The following MFRP variants were observed in gnomAD, a reference collection of about 807,000 sequenced individuals.
The protein encoded by MFRP is C1q and TNF related 5.
MFRP carries 74 observed loss-of-function variants against 65.8 expected under a neutral mutation model. The ratio of observed to expected loss-of-function variants is 1.12; its 90% CI spans 0.93 to 1.36. The LOEUF is 1.36. MFRP is among the 40% of genes most tolerant of loss of function. The pLI, the probability that MFRP is intolerant of heterozygous loss-of-function variation, is 0.00. For synonymous variants in MFRP, 336 were observed against 288.3 expected (o/e 1.17, Z -1.68); for missense variants, 838 against 736.0 (o/e 1.14, Z -1.60).
chr11:119,344,560 A>G (rs1362998094), intron 7 of MFRP, 72 bp downstream of exon 7: 2 of 1,610,970 alleles, frequency 1.2e-6, no homozygotes, highest in East Asian at 2.2e-5. Flanking sequence ...TTGAGGCTGG[A>G]CCAGAGCTGG....
In MFRP at chr11:119,341,333, A is replaced by G. The variant is rs889447505; in HGVS notation, c.*215T>C. ...TTGTCCGGTGGCACAGTGTGGGGCC[A>G]GTCAGCAGCCTGGGACCGGTAAAGG... On this transcript the variant is annotated 3_prime_UTR_variant, in exon 13 of 15. Coordinates refer to ENST00000619721, the MANE Select transcript of MFRP (RefSeq NM_031433.4). 7.4e-5 allele frequency: 44 copies of G among 591,854 alleles called. No homozygotes were observed. The African/African-American group carries it at 7.8e-4, about 11-fold the overall frequency. The allele number at this position is 591,854 out of a possible 1,614,324, so 36.7% of individuals were successfully genotyped here.
In MFRP at chr11:119,339,974, C is replaced by A. The variant is rs1950483804; in HGVS notation, c.*1111-126G>T. 2.3e-6 allele frequency: 3 copies of A among 1,329,414 alleles called. No homozygotes were observed. The highest frequency in any genetic ancestry group is 3.0e-6 in the Non-Finnish European group (3 of 1,016,122). 82.4% of individuals were successfully genotyped at this position (1,329,414 alleles called of 1,614,324 possible). ...GCTTCGGCCAGCGCCTCCTCCCGCA[C>A]GGGTACCTCCTCCACCCCTTCCCGC... On this transcript the variant is annotated intron_variant, in intron 14 of 14. Transcript: ENST00000619721. This position sits in a 1 kb window ranked among gnomAD's most constrained non-coding sequence, Gnocchi z 5.4.
Position 119,344,615 on chromosome 11 carries a change from C to T in MFRP, c.898+17G>A, listed in dbSNP as rs770708335. The T allele has an allele frequency of 1.2e-6, 2 of 1,613,846 alleles. No individual in the cohort carries two copies. The highest frequency in any genetic ancestry group is 1.7e-6 in the Non-Finnish European group (2 of 1,180,042). On this transcript the variant is annotated intron_variant, in intron 7 of 14. Coordinates refer to ENST00000619721, the MANE Select transcript of MFRP (RefSeq NM_031433.4). ...GATCAGACGCCTGAAGAGAGGACCC[C>T]CATGCCTGGCCCGTACCCGAGAACT...
rs770344130 is a variant in MFRP at position 119,345,330 on chromosome 11, G to T, written c.641+90C>A. On this transcript the variant is annotated intron_variant, in intron 5 of 14. Transcript: ENST00000619721. ...GGTCTAGTCTCTCAATTTCTTCCTCGGTTAGCCCTTCTCCCTGCCACTCCC... is the reference window on the plus strand; with the variant it reads ...GGTCTAGTCTCTCAATTTCTTCCTCTGTTAGCCCTTCTCCCTGCCACTCCC... The T allele has an allele frequency of 8.3e-5, 112 of 1,342,114 alleles. 1 individual carries two copies. Among genetic ancestry groups the T allele is most frequent in the Admixed American group, 5.8e-4 (33 of 57,322 alleles). 83.1% of individuals were successfully genotyped at this position (1,342,114 alleles called of 1,614,324 possible). A position where few individuals can be genotyped will look rare whatever the true frequency, so the allele number is the denominator to read the frequency against.
intron 8 of MFRP, 138 bp downstream of exon 8, chr11:119,344,177 C>T (rs777069267): frequency 7.2e-6 from 7 of 973,516 alleles, no homozygotes; most frequent in South Asian, 6.7e-5. Context: ...TAATAATATT[C>T]CCCCATCCCC....
chr11:119,342,558 C>A (rs1443994530), intron 11 of MFRP, 38 bp downstream of exon 11: 3 of 1,610,564 alleles, frequency 1.9e-6, no homozygotes, highest in East Asian at 2.2e-5. Flanking sequence ...GAGGTGGGCA[C>A]CCAGCCTGCT....
In MFRP at chr11:119,344,932, G is replaced by A. The variant is rs971558444; in HGVS notation, c.714C>T (p.Asp238=). The A allele has an allele frequency of 3.1e-6, 5 of 1,611,222 alleles. No individual in the cohort carries two copies. Among genetic ancestry groups the A allele is most frequent in the Non-Finnish European group, 3.4e-6 (4 of 1,179,188 alleles). ...ASHLLVVFVS[D]SSVEGFGFHA... ...GGAAACCAAATCCTTCCACACTGCT[G>A]TCAGAGACGAAGACCACCAGGAGGT... Residue 238 remains aspartate, a synonymous_variant, in exon 6 of 15, where the codon GAC becomes GAT. Coordinates refer to ENST00000619721, the MANE Select transcript of MFRP (RefSeq NM_031433.4).
At chr11:119,346,020 G>A (rs77911017) in intron 3 of MFRP, 26 bp downstream of exon 3, 220 of 1,612,426 alleles carry the variant, frequency 1.4e-4, no homozygotes, top group African/African-American at 9.6e-4. Context: ...CAAAGCCCTC[G>A]TTTCAAGCTG....
chr11:119,341,837 C>T lies in MFRP; in HGVS notation c.1515+20G>A, dbSNP rs1328244349. 21 of 1,613,762 alleles carry T rather than the reference C, an allele frequency of 1.3e-5. No homozygotes were observed. The highest frequency in any genetic ancestry group is 1.6e-5 in the Non-Finnish European group (19 of 1,179,988). ...CTCCTCCCCTCCCAGGCCCGCCCTC[C>T]TTCCCTCCACCCAGAAGACCTTGTA... On this transcript the variant is annotated intron_variant, in intron 12 of 14. Transcript: ENST00000619721.
chr11:119,342,559 C>G, intron 11 of MFRP, 37 bp downstream of exon 11: 1 of 1,610,728 alleles, frequency 6.2e-7, no homozygotes, highest in Non-Finnish European at 8.5e-7. Context: ...AGGTGGGCAC[C>G]CAGCCTGCTC....
chr11:119,342,691 C>A lies in MFRP; in HGVS notation c.1292G>T (p.Gly431Val). The A allele has an allele frequency of 1.2e-6, 2 of 1,613,746 alleles. No homozygotes were observed. Among genetic ancestry groups the A allele is most frequent in the Non-Finnish European group, 1.7e-6 (2 of 1,179,964 alleles). Residue 431 changes from glycine to valine, a missense_variant, in exon 11 of 15, where the codon GGA becomes GTA. Gly to Val is a moderately radical substitution (Grantham distance 109). Transcript: ENST00000619721. ...CATCCACTGCACACCCTTACACCCT[C>A]CTGCCTGGCAGGAGAGCTCACTGGG... ...CGPSELSCQAGGCKGVQWMCD... is the reference protein window; with the variant it reads ...CGPSELSCQAVGCKGVQWMCD...
Position 119,339,833 on chromosome 11 carries a change from C to G in MFRP, c.*1126G>C. 6.6e-7 allele frequency: 1 copy of G among 1,505,108 alleles called. No individual in the cohort carries two copies. The highest frequency in any genetic ancestry group is 8.8e-7 in the Non-Finnish European group (1 of 1,133,786). The allele number at this position is 1,505,108 out of a possible 1,614,324, so 93.2% of individuals were successfully genotyped here. On this transcript the variant is annotated 3_prime_UTR_variant, in exon 15 of 15. Coordinates refer to ENST00000619721, the MANE Select transcript of MFRP (RefSeq NM_031433.4). The surrounding 1 kb of genome is among the most constrained non-coding windows in gnomAD (Gnocchi z 5.4). ...CTCTCCTCGCGGCCCGGGGTCCCCT[C>G]GAGGTCCCGGCAGTCCTGCGGGGTA... is the stretch of plus-strand genomic sequence containing the variant.
Position 119,344,638 on chromosome 11 carries a change from A to G in MFRP, c.892T>C (p.Phe298Leu), listed in dbSNP as rs1950540699. The G allele has an allele frequency of 1.2e-6, 2 of 1,613,896 alleles. No homozygotes were observed. Among genetic ancestry groups the G allele is most frequent in the Non-Finnish European group, 1.7e-6 (2 of 1,180,030 alleles). Residue 298 changes from phenylalanine to leucine, a missense_variant, in exon 7 of 15, where the codon TTC becomes CTC. Coordinates refer to ENST00000619721, the MANE Select transcript of MFRP (RefSeq NM_031433.4). Reference protein sequence around the residue: ...GSDETNCSAKFSGCGGNLTGL... With the variant: ...GSDETNCSAKLSGCGGNLTGL... ...CCCCATGCCTGGCCCGTACCCGAGA[A>G]CTTGGCACTGCAATTGGTCTCATCA... is the stretch of plus-strand genomic sequence containing the variant.
intron 8 of MFRP, 22 bp from the exon 9 acceptor site, chr11:119,343,986 G>A (rs781686887): frequency 9.3e-6 from 15 of 1,610,084 alleles, no homozygotes; most frequent in Admixed American, 1.7e-5. Context: ...CATAGGTGGA[G>A]CAATTCATGG....
chr11:119,339,034 G>C lies in MFRP; in HGVS notation c.*1925C>G, dbSNP rs1950468231. 1 of 358,936 alleles carries C rather than the reference G, an allele frequency of 2.8e-6. No individual in the cohort carries two copies. The highest frequency in any genetic ancestry group is 5.1e-6 in the Non-Finnish European group (1 of 196,720). The allele number at this position is 358,936 out of a possible 1,614,324, so 22.2% of individuals were successfully genotyped here. A position where few individuals can be genotyped will look rare whatever the true frequency, so the allele number is the denominator to read the frequency against. On this transcript the variant is annotated 3_prime_UTR_variant, in exon 15 of 15. Transcript: ENST00000619721. This position sits in a 1 kb window ranked among gnomAD's most constrained non-coding sequence, Gnocchi z 5.4. ...GAGGATCCAGAGAAGCAGAGGACCA[G>C]GAAGAGAGCACCCCACCGTGGGCTC...
At position 119,345,903 on chromosome 11, in the gene MFRP, C is replaced by A; in HGVS notation, c.297G>T (p.Gly99=). ...CGGCAGGCAGTGGGCTATGGGACGC[C>A]CCAGATGGGGGTGCAGCCTGCAGCT... ...LAQLQAAPPS[G]ASHSPLPAGG... is the part of the protein sequence containing the mutation. Residue 99 remains glycine, a synonymous_variant, in exon 4 of 15, where the codon GGG becomes GGT. Coordinates refer to ENST00000619721, the MANE Select transcript of MFRP (RefSeq NM_031433.4). The A allele has an allele frequency of 6.2e-7, 1 of 1,613,650 alleles. No individual in the cohort carries two copies. Among genetic ancestry groups the A allele is most frequent in the Non-Finnish European group, 8.5e-7 (1 of 1,179,804 alleles).
In MFRP at chr11:119,339,945, C is replaced by T. The variant is rs1950483557; in HGVS notation, c.*1111-97G>A. 1 of 1,390,558 alleles carries T rather than the reference C, an allele frequency of 7.2e-7. No individual in the cohort carries two copies. Among genetic ancestry groups the T allele is most frequent in the African/African-American group, 1.5e-5 (1 of 66,290 alleles). The allele number at this position is 1,390,558 out of a possible 1,614,324, so 86.1% of individuals were successfully genotyped here. ...TCACCGTACCCCTCCCCGCCCCTGC[C>T]TGAGCTTCGGCCAGCGCCTCCTCCC... is the stretch of plus-strand genomic sequence containing the variant. On this transcript the variant is annotated intron_variant, in intron 14 of 14. Transcript: ENST00000619721. The surrounding 1 kb of genome is among the most constrained non-coding windows in gnomAD (Gnocchi z 5.4).
rs1565290644 is a variant in MFRP at position 119,339,457 on chromosome 11, C to G, written c.*1502G>C. ...CACCCACCTGCACCCACACTTGGTC[C>G]TCAGGCTCCAGCCTCACCATGGCCC... On this transcript the variant is annotated 3_prime_UTR_variant, in exon 15 of 15. Transcript: ENST00000619721. This position sits in a 1 kb window ranked among gnomAD's most constrained non-coding sequence, Gnocchi z 5.4. The G allele has an allele frequency of 4.3e-6, 7 of 1,614,002 alleles. No individual in the cohort carries two copies. Among genetic ancestry groups the G allele is most frequent in the Middle Eastern group, 3.3e-4 (2 of 6,084 alleles).
Position 119,346,320 on chromosome 11 carries a change from G to T in MFRP, c.109C>A (p.Pro37Thr). The change falls in exon 2 of 15, where the codon CCA becomes ACA. Residue 37 changes from proline to threonine, a missense_variant. By Grantham distance (38) the Pro-to-Thr change is conservative. Coordinates refer to ENST00000619721, the MANE Select transcript of MFRP (RefSeq NM_031433.4). ...TAGCTGGCATCCTCTGGGAAAACTG[G>T]GGGAGGGCAGGGTGGCCCAGACTCA... ...EPESGPPCPP[P>T]VFPEDASYSV... The T allele has an allele frequency of 6.2e-7, 1 of 1,613,980 alleles. No homozygotes were observed.
Sources: allele counts gnomAD v4.1 joint callset, GRCh38; gene constraint gnomAD v4.1.1; non-coding constraint Gnocchi (gnomAD v3.1); transcripts MANE v1.5; gene names NCBI Gene and HGNC (gene_info 2026-07-23, HGNC 2026-07-21).